The following RGS7BP variants were observed in gnomAD, a reference collection of about 807,000 sequenced individuals.
RGS7BP encodes the protein regulator of G protein signaling 7 binding protein, also known as regulator of G protein signaling 7-binding protein.
A neutral mutation model predicts 31.3 loss-of-function variants in RGS7BP; 9 were observed. The observed-to-expected ratio is 0.29, with a 90% confidence interval of 0.17 to 0.50. The LOEUF (loss-of-function observed/expected upper bound fraction) is 0.50. Ranked by LOEUF, RGS7BP falls within the 20% of genes least tolerant of loss-of-function variation. The probability of loss-of-function intolerance (pLI) is 0.98; values close to 1 mark genes in which losing one functional copy is unlikely to be tolerated. For missense variants in RGS7BP, 274 were observed against 322.0 expected (o/e 0.85, Z 1.14); for synonymous variants, 115 against 120.1 (o/e 0.96, Z 0.28).
chr5:64,605,845 A>G (rs1743336417), intron 5 of RGS7BP, among the ~76,000 whole-genome samples: 2 of 151,134 alleles, frequency 1.3e-5, no homozygotes, highest in Non-Finnish European at 2.9e-5. Flanking sequence ...ACACATAAAT[A>G]TATGTGTATA....
At chr5:64,575,367 G>A (rs190189376) in intron 2 of RGS7BP, among the ~76,000 whole-genome samples, 3 of 152,222 alleles carry the variant, frequency 2.0e-5, no homozygotes, top group Admixed American at 2.0e-4. Flanking sequence ...TAATATTAAA[G>A]AGCTGTCTTA....
chr5:64,553,451 C>T (rs556250539), intron 2 of RGS7BP, among the ~76,000 whole-genome samples: 1 of 152,064 alleles, frequency 6.6e-6, no homozygotes, highest in Non-Finnish European at 1.5e-5. Flanking sequence ...GGATTACAAG[C>T]GTGAGACACC....
At chr5:64,513,264 C>T (rs1275008401) in intron 2 of RGS7BP, among the ~76,000 whole-genome samples, 1 of 152,112 alleles carries the variant, frequency 6.6e-6, no homozygotes, top group Non-Finnish European at 1.5e-5. Context: ...TCAGGTTTTT[C>T]CCTCCAGCAA....
chr5:64,533,694 CACAT>C (rs1349958260), intron 2 of RGS7BP, among the ~76,000 whole-genome samples: 1 of 152,244 alleles, frequency 6.6e-6, no homozygotes, highest in African/African-American at 2.4e-5. Context: ...ACAACAATTT[CACAT>C]ACATTCAAAG....
At chr5:64,530,037 G>A (rs1306184686) in intron 2 of RGS7BP, among the ~76,000 whole-genome samples, 2 of 152,162 alleles carry the variant, frequency 1.3e-5, no homozygotes, top group African/African-American at 2.4e-5. Flanking sequence ...TTTAGTAGAA[G>A]CCAAAGTGTT....
At chr5:64,595,273 T>G (rs1743034459) in intron 4 of RGS7BP, among the ~76,000 whole-genome samples, 1 of 152,122 alleles carries the variant, frequency 6.6e-6, no homozygotes, top group African/African-American at 2.4e-5. Context: ...TACACAAAGA[T>G]GCCTCCAGTA....
chr5:64,514,486 G>A (rs1353172651), intron 2 of RGS7BP, among the ~76,000 whole-genome samples: 1 of 152,138 alleles, frequency 6.6e-6, no homozygotes, highest in East Asian at 1.9e-4. Flanking sequence ...AGCCATCCCA[G>A]GGCCCAATGT....
intron 2 of RGS7BP, among the ~76,000 whole-genome samples, chr5:64,518,781 A>C (rs543348285): frequency 6.6e-6 from 1 of 152,266 alleles, no homozygotes; most frequent in Admixed American, 6.5e-5. Flanking sequence ...TGATTGAAGA[A>C]CATCATGACT....
intron 4 of RGS7BP, among the ~76,000 whole-genome samples, chr5:64,595,364 C>G (rs904933704): frequency 2.0e-5 from 3 of 152,124 alleles, no homozygotes; most frequent in Non-Finnish European, 2.9e-5. Context: ...TCACAAAGGG[C>G]TTCTCCCAGG....
intron 2 of RGS7BP, among the ~76,000 whole-genome samples, chr5:64,547,113 T>C (rs895702127): frequency 2.6e-5 from 4 of 152,234 alleles, no homozygotes; most frequent in African/African-American, 9.6e-5. Context: ...TGTATATATG[T>C]GTTACAATTT....
At chr5:64,596,428 T>C (rs1743070234) in intron 4 of RGS7BP, among the ~76,000 whole-genome samples, 1 of 152,334 alleles carries the variant, frequency 6.6e-6, no homozygotes. Flanking sequence ...TCAGGCTCTC[T>C]TGGGGTGAGA....
At chr5:64,555,149 G>C (rs2111846010) in intron 2 of RGS7BP, among the ~76,000 whole-genome samples, 1 of 152,172 alleles carries the variant, frequency 6.6e-6, no homozygotes, top group African/African-American at 2.4e-5. Flanking sequence ...GTTTTTAAAA[G>C]CAACAGGAGA....
intron 4 of RGS7BP, among the ~76,000 whole-genome samples, chr5:64,597,612 G>A (rs527619871): frequency 6.6e-6 from 1 of 151,430 alleles, no homozygotes; most frequent in African/African-American, 2.4e-5. Context: ...CCAAGCAGAA[G>A]ATGGAATTGG....
chr5:64,521,586 C>T (rs1749110172), intron 2 of RGS7BP, among the ~76,000 whole-genome samples: 1 of 152,176 alleles, frequency 6.6e-6, no homozygotes, highest in Admixed American at 6.5e-5. Context: ...TGTCAGTAAA[C>T]AGATATTTTC....
chr5:64,528,516 A>G (rs1292464201), intron 2 of RGS7BP, among the ~76,000 whole-genome samples: 1 of 152,104 alleles, frequency 6.6e-6, no homozygotes, highest in African/African-American at 2.4e-5. Flanking sequence ...TCCACCCCTG[A>G]AAAAGGAAGG....
At chr5:64,568,785 T>G (rs1047780473) in intron 2 of RGS7BP, among the ~76,000 whole-genome samples, 1 of 151,568 alleles carries the variant, frequency 6.6e-6, no homozygotes, top group South Asian at 2.1e-4. Context: ...GGTTATTGTT[T>G]TTTTTTTTTT....
intron 2 of RGS7BP, among the ~76,000 whole-genome samples, chr5:64,555,534 A>C (rs2111846910): frequency 6.6e-6 from 1 of 152,254 alleles, no homozygotes; most frequent in Non-Finnish European, 1.5e-5. Context: ...CTGAAATTCT[A>C]GGGGATATAA....
chr5:64,603,963 G>A (rs1001753962), intron 5 of RGS7BP, among the ~76,000 whole-genome samples: 3 of 152,182 alleles, frequency 2.0e-5, no homozygotes, highest in Non-Finnish European at 2.9e-5. Flanking sequence ...GCTAATCTTT[G>A]AAGAAGGGCT....
intron 3 of RGS7BP, among the ~76,000 whole-genome samples, chr5:64,576,958 C>G (rs1199257564): frequency 6.6e-6 from 1 of 151,988 alleles, no homozygotes; most frequent in Non-Finnish European, 1.5e-5. Flanking sequence ...GATTTAAATT[C>G]AGAGATAGAA....
Sources: allele counts gnomAD v4.1 joint callset (sites outside exome capture counted in the v4.1 genomes callset), GRCh38; gene constraint gnomAD v4.1.1; transcripts MANE v1.5; gene names NCBI Gene and HGNC (gene_info 2026-07-23, HGNC 2026-07-21).